RGS9: variants seen among roughly 807,000 people sequenced by gnomAD.
The protein encoded by RGS9 is regulator of G-protein signalling 9.
Under a neutral mutation model 102.0 loss-of-function variants are expected in RGS9, and 78 were observed. That is an observed-to-expected ratio of 0.76 (90% CI 0.64 to 0.92). RGS9 has a LOEUF of 0.92. Among genes scored for constraint, RGS9 ranks in the 40% least tolerant of loss-of-function variants. The pLI is 0.00. For synonymous variants in RGS9, 353 were observed against 318.6 expected (o/e 1.11, Z -1.15); for missense variants, 833 against 866.1 (o/e 0.96, Z 0.48).
In RGS9 at chr17:65,202,468, T is replaced by TGAGAGA. The variant is rs1254887731; in HGVS notation, c.1064+397_1064+402dup. Among the ~76,000 whole-genome samples, 7 of 97,894 alleles carry TGAGAGA rather than the reference T, an allele frequency of 7.2e-5. No homozygotes were observed. The Admixed American group carries it at 7.3e-4, about 10-fold the overall frequency. 64.2% of individuals were successfully genotyped at this position (97,894 alleles called of 152,430 possible). A position where few individuals can be genotyped will look rare whatever the true frequency, so the allele number is the denominator to read the frequency against. On this transcript the variant is annotated intron_variant, in intron 14 of 18. Transcript: ENST00000262406. ...GTGAGAGAGAGAGAGAGAGAGAGAG[T>TGAGAGA]GAGAGAGAGAGAGAAGAAGCAGCAA... is the stretch of plus-strand genomic sequence containing the variant.
In RGS9 at chr17:65,190,168, C is replaced by T; in HGVS notation, c.685-7C>T. ...TGAATACCTTCTAACAACTGTGTCT[C>T]TTCCAGATCATGTATTACCAACAGG... is the stretch of plus-strand genomic sequence containing the variant. On this transcript the variant is annotated splice_polypyrimidine_tract_variant and splice_region_variant and intron_variant, in intron 10 of 18. Coordinates refer to ENST00000262406, the MANE Select transcript of RGS9 (RefSeq NM_003835.4). The T allele has an allele frequency of 6.2e-7, 1 of 1,611,716 alleles. No homozygotes were observed. The highest frequency in any genetic ancestry group is 8.5e-7 in the Non-Finnish European group (1 of 1,177,818).
intron 12 of RGS9, 78 bp from the exon 13 acceptor site, chr17:65,197,047 TA>T: frequency 1.1e-6 from 1 of 912,384 alleles, no homozygotes; most frequent in Non-Finnish European, 1.8e-6. Flanking sequence ...GCCATGAGAC[TA>T]AAGGCCCTCA....
At chr17:65,146,253 A>G (rs1910355075) in intron 1 of RGS9, among the ~76,000 whole-genome samples, 2 of 152,184 alleles carry the variant, frequency 1.3e-5, no homozygotes, top group South Asian at 4.1e-4. Context: ...GCAGCCTTTC[A>G]TCCGGCAGCT....
intron 17 of RGS9, among the ~76,000 whole-genome samples, chr17:65,217,872 G>A (rs180679704): frequency 6.6e-6 from 1 of 152,188 alleles, no homozygotes; most frequent in African/African-American, 2.4e-5. Flanking sequence ...AGGGAAGGAA[G>A]CTGAAGGCTA....
intron 16 of RGS9, 52 bp from the exon 17 acceptor site, chr17:65,210,436 T>C (rs747113928): frequency 2.5e-5 from 40 of 1,596,810 alleles, no homozygotes; most frequent in Non-Finnish European, 3.3e-5. Context: ...AGGGTCAGTG[T>C]TGGGCAAGCT....
chr17:65,157,392 G>A (rs1365007980), intron 2 of RGS9, among the ~76,000 whole-genome samples: 1 of 151,792 alleles, frequency 6.6e-6, no homozygotes, highest in Non-Finnish European at 1.5e-5. Flanking sequence ...TGAGGGAAGG[G>A]GCTCAGAGCT....
chr17:65,207,303 A>G (rs1320191866), intron 15 of RGS9, among the ~76,000 whole-genome samples: 1 of 152,076 alleles, frequency 6.6e-6, no homozygotes, highest in African/African-American at 2.4e-5. Flanking sequence ...TCACTGAACC[A>G]CTCCAAGGTG....
intron 17 of RGS9, among the ~76,000 whole-genome samples, chr17:65,219,287 C>G (rs1021335047): frequency 6.6e-6 from 1 of 152,166 alleles, no homozygotes; most frequent in Non-Finnish European, 1.5e-5. Context: ...CCAGGAAATT[C>G]TCATGTTTGG....
intron 17 of RGS9, among the ~76,000 whole-genome samples, chr17:65,214,047 G>T (rs919261901): frequency 6.6e-6 from 1 of 152,126 alleles, no homozygotes; most frequent in Admixed American, 6.6e-5. Context: ...CTGCAGCCTT[G>T]ACCTCCCAGG....
chr17:65,190,237 G>T lies in RGS9; in HGVS notation c.746+1G>T. 6.2e-7 allele frequency: 1 copy of T among 1,611,372 alleles called. No homozygotes were observed. Among genetic ancestry groups the T allele is most frequent in the Non-Finnish European group, 8.5e-7 (1 of 1,177,448 alleles). On this transcript the variant is annotated splice_donor_variant, in intron 11 of 18. Coordinates refer to ENST00000262406, the MANE Select transcript of RGS9 (RefSeq NM_003835.4). LOFTEE classifies it high-confidence loss of function. ...TGAAGTCTTCTGTGTCCCTGGGAGGGTATGTCCCTGATTTGTTGATCTTGC... is the reference window on the plus strand; with the variant it reads ...TGAAGTCTTCTGTGTCCCTGGGAGGTTATGTCCCTGATTTGTTGATCTTGC...
intron 13 of RGS9, among the ~76,000 whole-genome samples, chr17:65,199,029 C>T (rs1442294232): frequency 1.3e-5 from 2 of 152,162 alleles, no homozygotes; most frequent in Non-Finnish European, 2.9e-5. Context: ...GAAAAGATTT[C>T]CCTGCATTAT....
chr17:65,211,509 A>G (rs2144111368), intron 17 of RGS9, among the ~76,000 whole-genome samples: 1 of 152,284 alleles, frequency 6.6e-6, no homozygotes, highest in South Asian at 2.1e-4. Context: ...ATCAGAGATG[A>G]TACTCTCTAG....
intron 8 of RGS9, among the ~76,000 whole-genome samples, chr17:65,169,210 A>G (rs1317618136): frequency 6.6e-6 from 1 of 152,178 alleles, no homozygotes; most frequent in Non-Finnish European, 1.5e-5. Flanking sequence ...TATTCTTTAT[A>G]TACTGAAAAC....
intron 2 of RGS9, among the ~76,000 whole-genome samples, chr17:65,154,329 C>G (rs752546633): frequency 2.0e-5 from 3 of 152,122 alleles, no homozygotes; most frequent in Non-Finnish European, 4.4e-5. Flanking sequence ...TATTTACTAT[C>G]TAGCGCTCTA....
chr17:65,185,413 C>T (rs997960338), intron 9 of RGS9: 2 of 152,680 alleles, frequency 1.3e-5, no homozygotes, highest in African/African-American at 4.8e-5. Context: ...ACTCACTGTA[C>T]TTGTGAGCGT....
At chr17:65,142,352 T>G (rs1395240448) in intron 1 of RGS9, among the ~76,000 whole-genome samples, 2 of 152,232 alleles carry the variant, frequency 1.3e-5, no homozygotes, top group Non-Finnish European at 2.9e-5. Flanking sequence ...CTGTGTTTAA[T>G]GAGAAGCTGT....
chr17:65,152,195 T>G lies in RGS9; in HGVS notation c.58-1227T>G, dbSNP rs891508571. Among the ~76,000 whole-genome samples the G allele has an allele frequency of 2.0e-5, 3 of 152,104 alleles. No homozygotes were observed. The East Asian group carries it at 5.8e-4, about 29-fold the overall frequency. On this transcript the variant is annotated intron_variant, in intron 1 of 18. Transcript: ENST00000262406. ...TGAGGAGGGAGCCAAGTTGGTCTCTTGCGAAGACTGGCCCAGGTAGAGGGA... is the reference window on the plus strand; with the variant it reads ...TGAGGAGGGAGCCAAGTTGGTCTCTGGCGAAGACTGGCCCAGGTAGAGGGA...
chr17:65,168,265 T>C lies in RGS9; in HGVS notation c.566T>C (p.Leu189Pro). 1.2e-6 allele frequency: 2 copies of C among 1,609,192 alleles called. No individual in the cohort carries two copies. Among genetic ancestry groups the C allele is most frequent in the Non-Finnish European group, 1.7e-6 (2 of 1,177,352 alleles). ...ALDCQEKAYW[L>P]VHRCPPGMDN... Reference sequence around the variant, plus strand: ...GACTGCCAGGAGAAGGCATACTGGCTGGTGCACCGATGCCCTGTGAGTATC... The same window carrying C: ...GACTGCCAGGAGAAGGCATACTGGCCGGTGCACCGATGCCCTGTGAGTATC... Residue 189 changes from leucine (L) to proline (P), a missense_variant, in exon 8 of 19, where the codon CTG (leucine) becomes CCG (proline). By Grantham distance (98) the Leu-to-Pro change is moderately conservative. Transcript: ENST00000262406.
chr17:65,226,159 G>C (rs1905664536), intron 18 of RGS9, among the ~76,000 whole-genome samples: 1 of 152,246 alleles, frequency 6.6e-6, no homozygotes, highest in African/African-American at 2.4e-5. Flanking sequence ...AAGGCTCTGA[G>C]GAGTGCTCCA....
Sources: gnomAD v4.1 joint callset for allele counts (sites outside exome capture counted in the v4.1 genomes callset) on GRCh38, gnomAD v4.1.1 for gene constraint, MANE v1.5 for transcripts, NCBI Gene and HGNC (gene_info 2026-07-23, HGNC 2026-07-21) for gene names.